The following GOLM2 variants were observed in gnomAD, a reference collection of about 807,000 sequenced individuals.
The protein encoded by GOLM2 is golgi membrane protein 2.
A neutral mutation model predicts 55.9 loss-of-function variants in GOLM2; 26 were observed. The ratio of observed to expected loss-of-function variants is 0.47; its 90% CI spans 0.34 to 0.65. The LOEUF (loss-of-function observed/expected upper bound fraction) is 0.65, where lower values mean the gene tolerates loss of function less well. GOLM2 is among the 30% of genes least tolerant of loss of function. The pLI, the probability that GOLM2 is intolerant of heterozygous loss-of-function variation, is 0.01. For synonymous variants in GOLM2, 165 were observed against 194.6 expected (o/e 0.85, Z 1.27); for missense variants, 486 against 531.8 (o/e 0.91, Z 0.85).
chr15:44,335,907 C>T (rs1483921553), intron 4 of GOLM2, among the ~76,000 whole-genome samples: 1 of 151,190 alleles, frequency 6.6e-6, no homozygotes, highest in African/African-American at 2.4e-5. Context: ...CTCTGCCTCC[C>T]GGGTTCAAGC....
chr15:44,333,227 C>T (rs2141141997), intron 4 of GOLM2, among the ~76,000 whole-genome samples: 1 of 152,346 alleles, frequency 6.6e-6, no homozygotes, highest in Middle Eastern at 3.4e-3. Flanking sequence ...CCACCGCGCA[C>T]AGCCAATTCA....
chr15:44,382,391 A>G (rs1242967448), intron 8 of GOLM2, among the ~76,000 whole-genome samples: 2 of 151,790 alleles, frequency 1.3e-5, no homozygotes, highest in East Asian at 1.9e-4. Flanking sequence ...CAGTGGTGCA[A>G]TCTCAGCTCA....
At chr15:44,393,027 A>G (rs1364473215) in intron 8 of GOLM2, among the ~76,000 whole-genome samples, 2 of 152,350 alleles carry the variant, frequency 1.3e-5, no homozygotes, top group East Asian at 1.9e-4. Context: ...ATTCTAATCA[A>G]TGAAATAAAG....
chr15:44,343,317 A>G (rs1182617506), intron 6 of GOLM2, among the ~76,000 whole-genome samples: 1 of 140,700 alleles, frequency 7.1e-6, no homozygotes, highest in Non-Finnish European at 1.6e-5. Flanking sequence ...TGGAAGACAG[A>G]AAAAAAAAAA....
chr15:44,390,158 T>G (rs1011242143), intron 8 of GOLM2: 1 of 152,220 alleles, frequency 6.6e-6, no homozygotes, highest in Non-Finnish European at 1.5e-5. Flanking sequence ...ATTTGGAAGA[T>G]GTATTTGGGT....
chr15:44,332,862 A>G (rs1474793503), intron 4 of GOLM2, among the ~76,000 whole-genome samples: 1 of 152,138 alleles, frequency 6.6e-6, no homozygotes, highest in Non-Finnish European at 1.5e-5. Context: ...ATTTTAAGTT[A>G]ATATGTATTA....
chr15:44,403,082 T>C, intron 9 of GOLM2, 28 bp downstream of exon 9: 1 of 1,612,776 alleles, frequency 6.2e-7, no homozygotes, highest in Non-Finnish European at 8.5e-7. Flanking sequence ...CTCCATGCTA[T>C]AACCATGAAA....
intron 8 of GOLM2, among the ~76,000 whole-genome samples, chr15:44,381,829 A>G (rs999862956): frequency 6.6e-6 from 1 of 151,854 alleles, no homozygotes; most frequent in African/African-American, 2.4e-5. Context: ...TTATTTATTT[A>G]TTTTTAGAGA....
chr15:44,380,993 G>T lies in GOLM2; in HGVS notation c.1072+17G>T. ...TGAAGCAAAGTAAGAATCAATTGAT[G>T]AATATTATGCTAAAAATATTTCTTT... is the stretch of plus-strand genomic sequence containing the variant. On this transcript the variant is annotated intron_variant, in intron 8 of 9. Transcript: ENST00000299957. 1 of 1,497,780 alleles carries T rather than the reference G, an allele frequency of 6.7e-7. No homozygotes were observed. The highest frequency in any genetic ancestry group is 9.0e-7 in the Non-Finnish European group (1 of 1,106,818). 92.8% of individuals were successfully genotyped at this position (1,497,780 alleles called of 1,614,324 possible). A position where few individuals can be genotyped will look rare whatever the true frequency, so the allele number is the denominator to read the frequency against.
chr15:44,337,637 G>A (rs909325554), intron 4 of GOLM2, 126 bp from the exon 5 acceptor site: 16 of 633,028 alleles, frequency 2.5e-5, no homozygotes, highest in Admixed American at 1.9e-4. Flanking sequence ...ATCTCCAATT[G>A]TTCATTATTT....
Position 44,289,124 on chromosome 15 carries a change from A to G in GOLM2, c.95A>G (p.Tyr32Cys), listed in dbSNP as rs759588717. The G allele has an allele frequency of 9.3e-6, 15 of 1,613,990 alleles. No individual in the cohort carries two copies. In the South Asian group the frequency reaches 1.2e-4, roughly 13 times the overall value. ...LVVIVVLAFN[Y>C]WSISSRHVLL... ...GTGATCGTCGTCCTCGCCTTCAACT[A>G]CTGGAGCATCTCCTCCCGCCACGTC... The change falls in exon 1 of 10, where the codon TAC (tyrosine) becomes TGC (cysteine). Residue 32 changes from tyrosine (Y) to cysteine (C), a missense_variant. Physicochemically the swap from Tyr to Cys is radical, Grantham distance 194. Transcript: ENST00000299957. The surrounding 1 kb of genome is among the most constrained non-coding windows in gnomAD (Gnocchi z 4.8).
intron 6 of GOLM2, among the ~76,000 whole-genome samples, chr15:44,376,148 C>T (rs187642670): frequency 2.0e-5 from 3 of 152,330 alleles, no homozygotes; most frequent in East Asian, 3.9e-4. Flanking sequence ...GCAGGAGAAT[C>T]GCTTGAACCG....
intron 6 of GOLM2, among the ~76,000 whole-genome samples, chr15:44,348,104 T>A (rs1220081128): frequency 6.6e-6 from 1 of 151,882 alleles, no homozygotes; most frequent in Non-Finnish European, 1.5e-5. Flanking sequence ...TGAGACATGC[T>A]GGCTTCAGGT....
intron 6 of GOLM2, among the ~76,000 whole-genome samples, chr15:44,378,025 T>A (rs902776219): frequency 2.5e-4 from 37 of 149,422 alleles, no homozygotes; most frequent in Admixed American, 4.7e-4. Flanking sequence ...ATATATATAT[T>A]TTTTAAATTA....
intron 6 of GOLM2, among the ~76,000 whole-genome samples, chr15:44,362,682 G>A (rs1158099423): frequency 2.6e-5 from 4 of 151,992 alleles, no homozygotes; most frequent in Non-Finnish European, 4.4e-5. Flanking sequence ...CACAGAATTG[G>A]AAAAAACTAC....
chr15:44,288,922 C>G lies in GOLM2; in HGVS notation c.-108C>G, dbSNP rs909758415. On this transcript the variant is annotated 5_prime_UTR_variant, in exon 1 of 10. Coordinates refer to ENST00000299957, the MANE Select transcript of GOLM2 (RefSeq NM_138423.4). The stretch of plus-strand genomic sequence containing the variant: ...GCCGACCGGTAAGCCCGCCTCCTCC[C>G]TCGGCCGGCCCTGGGGCCGTGTCCG... 9.3e-7 allele frequency: 1 copy of G among 1,073,430 alleles called. No individual in the cohort carries two copies. The allele number at this position is 1,073,430 out of a possible 1,614,324, so 66.5% of individuals were successfully genotyped here.
chr15:44,289,852 G>A lies in GOLM2; in HGVS notation c.327+496G>A, dbSNP rs946924623. On this transcript the variant is annotated intron_variant, in intron 1 of 9. Coordinates refer to ENST00000299957, the MANE Select transcript of GOLM2 (RefSeq NM_138423.4). The surrounding 1 kb of genome is among the most constrained non-coding windows in gnomAD (Gnocchi z 4.8). Reference sequence around the variant, plus strand: ...GTGACTTTTAAAATCTCTATAGGGTGATGTATTGAATAACTAAATAATCAG... The same window carrying A: ...GTGACTTTTAAAATCTCTATAGGGTAATGTATTGAATAACTAAATAATCAG... 6.6e-6 allele frequency among the ~76,000 whole-genome samples: 1 copy of A among 152,218 alleles called. No homozygotes were observed. The highest frequency in any genetic ancestry group is 2.4e-5 in the African/African-American group (1 of 41,456).
intron 1 of GOLM2, among the ~76,000 whole-genome samples, chr15:44,312,495 A>G (rs2078881113): frequency 6.6e-6 from 1 of 152,130 alleles, no homozygotes; most frequent in Non-Finnish European, 1.5e-5. Context: ...CCTCTTTGTT[A>G]AAATAAAAGA....
At chr15:44,348,129 G>T (rs533547756) in intron 6 of GOLM2, among the ~76,000 whole-genome samples, 1 of 152,276 alleles carries the variant, frequency 6.6e-6, no homozygotes, top group African/African-American at 2.4e-5. Flanking sequence ...CCCAGCAGTA[G>T]CGACTGCAAG....
Sources: gnomAD v4.1 joint callset for allele counts (sites outside exome capture counted in the v4.1 genomes callset) on GRCh38, gnomAD v4.1.1 for gene constraint, Gnocchi (gnomAD v3.1) non-coding constraint, MANE v1.5 for transcripts, NCBI Gene and HGNC (gene_info 2026-07-23, HGNC 2026-07-21) for gene names.